SRPK2: variants seen among roughly 807,000 people sequenced by gnomAD.
SRPK2 encodes SFRS protein kinase 2.
In SRPK2, 21 loss-of-function variants were observed where a neutral mutation model predicts 90.8. The observed-to-expected ratio is 0.23, with a 90% confidence interval of 0.16 to 0.33. The LOEUF (loss-of-function observed/expected upper bound fraction) is 0.33, where lower values mean the gene tolerates loss of function less well. Ranked by LOEUF, SRPK2 falls within the 10% of genes least tolerant of loss-of-function variation. SRPK2 has a pLI of 1.00. For missense variants in SRPK2, 620 were observed against 869.0 expected, an observed-to-expected ratio of 0.71 and a Z score of 3.60; for synonymous variants, 288 against 311.1, an observed-to-expected ratio of 0.93 and a Z score of 0.78.
chr7:105,366,503 G>A (rs1216079983), intron 2 of SRPK2, among the ~76,000 whole-genome samples: 1 of 151,728 alleles, frequency 6.6e-6, no homozygotes, highest in Non-Finnish European at 1.5e-5. Context: ...CCAAGCAGAT[G>A]GGACTACAGG....
At chr7:105,206,061 T>C in intron 2 of SRPK2, 4 of 515,668 alleles carry the variant, frequency 7.8e-6, no homozygotes, top group South Asian at 2.8e-5. Flanking sequence ...GGATAATTCA[T>C]TGCTGTGGGG....
intron 2 of SRPK2, among the ~76,000 whole-genome samples, chr7:105,288,101 TAAC>T (rs1039429906): frequency 3.9e-5 from 6 of 152,090 alleles, no homozygotes; most frequent in Non-Finnish European, 7.4e-5. Flanking sequence ...AGGAAAAAAA[TAAC>T]AACTAAATTC....
intron 2 of SRPK2, among the ~76,000 whole-genome samples, chr7:105,261,106 A>G (rs896729354): frequency 6.6e-6 from 1 of 151,232 alleles, no homozygotes; most frequent in Non-Finnish European, 1.5e-5. Flanking sequence ...AATATTTGGG[A>G]TGTAAATGAC....
chr7:105,295,630 G>C (rs536520588), intron 2 of SRPK2, among the ~76,000 whole-genome samples: 458 of 152,300 alleles, frequency 3.0e-3, no homozygotes, highest in African/African-American at 0.01. Context: ...GGAAAATGGG[G>C]AGTTGCTGTT....
chr7:105,127,381 C>T (rs548932727), intron 13 of SRPK2, among the ~76,000 whole-genome samples: 8 of 152,286 alleles, frequency 5.3e-5, no homozygotes, highest in Admixed American at 2.6e-4. Context: ...AATGGTAGAA[C>T]GAGAGTTCAA....
chr7:105,333,081 C>A (rs1814632828), intron 2 of SRPK2, among the ~76,000 whole-genome samples: 1 of 152,110 alleles, frequency 6.6e-6, no homozygotes, highest in African/African-American at 2.4e-5. Flanking sequence ...GTAATCCCAG[C>A]CACTTGGGAG....
rs377065934 is a variant in SRPK2 at position 105,171,884 on chromosome 7, GTTAT to G, written c.230-2623_230-2620del. On this transcript the variant is annotated intron_variant, in intron 3 of 15. Transcript: ENST00000393651. The stretch of plus-strand genomic sequence containing the variant: ...AAATGAGCTCTGAGTTTATAATACA[GTTAT>G]TTATTTATTTATTTATTTATATTTT... 3.2e-3 allele frequency among the ~76,000 whole-genome samples: 480 copies of G among 152,080 alleles called. 14 individuals are homozygous for G. In the East Asian group the frequency reaches 0.062, roughly 20 times the overall value.
chr7:105,245,074 C>CACACACACACACACACACACA (rs755213202), intron 2 of SRPK2: 18 of 609,242 alleles, frequency 3.0e-5, no homozygotes, highest in South Asian at 9.0e-5. Context: ...CACACACACA[C>CACACACACACACACACACACA]CTCTTTTTCT....
intron 2 of SRPK2, among the ~76,000 whole-genome samples, chr7:105,217,459 A>G (rs1797612348): frequency 6.6e-6 from 1 of 152,224 alleles, no homozygotes; most frequent in African/African-American, 2.4e-5. Context: ...CACAGAAGAC[A>G]CTGTGCCATA....
At chr7:105,390,428 CTATT>C (rs201600585), upstream of SRPK2, among the ~76,000 whole-genome samples, 1 of 151,392 alleles carries the variant, frequency 6.6e-6, no homozygotes, top group African/African-American at 2.4e-5. Context: ...GGTTTTCTTT[CTATT>C]TATTTATTTA....
In SRPK2 at chr7:105,118,605, A is replaced by T. The variant is rs542066572; in HGVS notation, c.1916-583T>A. On this transcript the variant is annotated intron_variant, in intron 15 of 15. Coordinates refer to ENST00000393651, the MANE Select transcript of SRPK2 (RefSeq NM_182692.3). ...ATGGTCATTTCATAAGAGAAAAAAAAGGTTATTTTTAAGTCAAAACTGCAA... is the reference window on the plus strand; with the variant it reads ...ATGGTCATTTCATAAGAGAAAAAAATGGTTATTTTTAAGTCAAAACTGCAA... Among the ~76,000 whole-genome samples the T allele has an allele frequency of 9.7e-4, 147 of 152,324 alleles. 1 individual carries two copies. Among genetic ancestry groups the T allele is most frequent in the Middle Eastern group, 6.8e-3 (2 of 294 alleles).
At chr7:105,202,817 A>G (rs1795722985) in intron 3 of SRPK2, among the ~76,000 whole-genome samples, 1 of 152,228 alleles carries the variant, frequency 6.6e-6, no homozygotes. Context: ...CTTCCCACAG[A>G]CAATAAACGC....
At chr7:105,245,034 AACACAC>A (rs58717493) in intron 2 of SRPK2, 114,426 of 520,874 alleles carry the variant, frequency 0.22, 5,732 homozygotes, top group East Asian at 0.25. Context: ...AAACAAAACA[AACACAC>A]ACACACACAC....
At chr7:105,137,597 G>A (rs977146949) in intron 11 of SRPK2, among the ~76,000 whole-genome samples, 1 of 152,130 alleles carries the variant, frequency 6.6e-6, no homozygotes, top group African/African-American at 2.4e-5. Context: ...CTGTTCCAGG[G>A]CCTTTGTCCT....
At chr7:105,130,176 C>T (rs1801795297) in intron 13 of SRPK2, among the ~76,000 whole-genome samples, 1 of 152,216 alleles carries the variant, frequency 6.6e-6, no homozygotes, top group African/African-American at 2.4e-5. Context: ...CTAAAGCTGT[C>T]CTCCCTGACA....
At chr7:105,175,463 T>TA (rs1357858937) in intron 3 of SRPK2, among the ~76,000 whole-genome samples, 3 of 151,424 alleles carry the variant, frequency 2.0e-5, no homozygotes, top group Non-Finnish European at 4.4e-5. Context: ...CTTAGAAAAC[T>TA]AAAAAAATAG....
chr7:105,297,483 G>T (rs1459321405), intron 2 of SRPK2: 53 of 985,228 alleles, frequency 5.4e-5, no homozygotes, highest in Non-Finnish European at 6.4e-5. Flanking sequence ...TGGCCATCTG[G>T]CCCCTCAGAT....
At chr7:105,124,190 C>T (rs1800794478) in intron 15 of SRPK2, among the ~76,000 whole-genome samples, 1 of 152,212 alleles carries the variant, frequency 6.6e-6, no homozygotes, top group Non-Finnish European at 1.5e-5. Flanking sequence ...CTGCAACCAG[C>T]TCCATGCCTG....
At chr7:105,305,948 T>C (rs1312411711) in intron 2 of SRPK2, among the ~76,000 whole-genome samples, 1 of 152,196 alleles carries the variant, frequency 6.6e-6, no homozygotes, top group Admixed American at 6.5e-5. Flanking sequence ...AGGGGTTCTT[T>C]AGTACGGAAC....
Sources: gnomAD v4.1 joint callset for allele counts (sites outside exome capture counted in the v4.1 genomes callset) on GRCh38, gnomAD v4.1.1 for gene constraint, MANE v1.5 for transcripts, NCBI Gene and HGNC (gene_info 2026-07-23, HGNC 2026-07-21) for gene names.